Variants in BRD1 observed in about 807,000 individuals in gnomAD.
BRD1 encodes the protein bromodomain containing 1, also known as bromodomain-containing protein 1.
Under a neutral mutation model 107.7 loss-of-function variants are expected in BRD1, and 24 were observed. The ratio of observed to expected loss-of-function variants is 0.22; its 90% confidence interval spans 0.16 to 0.31. The LOEUF (loss-of-function observed/expected upper bound fraction) is 0.31. BRD1 is among the 10% of genes least tolerant of loss of function. The pLI is 1.00. For synonymous variants in BRD1, 744 were observed against 686.1 expected (o/e 1.08, Z -1.32); for missense variants, 1,279 against 1,638.6 (o/e 0.78, Z 3.79).
At chr22:49,786,153 T>C (rs1319550170) in intron 8 of BRD1, among the ~76,000 whole-genome samples, 1 of 149,934 alleles carries the variant, frequency 6.7e-6, no homozygotes, top group African/African-American at 2.5e-5. Context: ...TCTCCTTATC[T>C]AGGTATAACA....
chr22:49,799,100 A>T lies in BRD1; in HGVS notation c.1544T>A (p.Met515Lys), dbSNP rs371726240. The T allele has an allele frequency of 3.1e-6, 5 of 1,608,624 alleles. No homozygotes were observed. The highest frequency in any genetic ancestry group is 4.2e-6 in the Non-Finnish European group (5 of 1,179,860). ...CTTCAGCTTCTCTTTGGCAGCCTTCATCTCCTCATCATTTTCTCTCTGAGA... is the reference window on the plus strand; with the variant it reads ...CTTCAGCTTCTCTTTGGCAGCCTTCTTCTCCTCATCATTTTCTCTCTGAGA... ...SSQQRENDEE[M>K]KAAKEKLKYW... is the part of the protein sequence containing the mutation. Residue 515 changes from methionine to lysine, a missense_variant, in exon 4 of 13, where the codon ATG becomes AAG. Around this residue, in one of 7 missense-constraint regions of BRD1, gnomAD observed 406 missense variants for 519.4 expected, o/e 0.78. Coordinates refer to ENST00000404760, the MANE Select transcript of BRD1 (RefSeq NM_001304808.3).
chr22:49,823,267 G>A lies in BRD1; in HGVS notation c.1051C>T (p.His351Tyr). Residue 351 changes from histidine to tyrosine, a missense_variant, in exon 2 of 13, where the codon CAT (histidine) becomes TAT (tyrosine). Physicochemically the swap from His to Tyr is moderately conservative, Grantham distance 83 (BLOSUM62 2). Around this residue, in one of 7 missense-constraint regions of BRD1, gnomAD observed 158 missense variants for 310.2 expected, o/e 0.51. Transcript: ENST00000404760. Reference protein sequence around the residue: ...CHKANCYTAFHVTCAQKAGLY... With the variant: ...CHKANCYTAFYVTCAQKAGLY... ...CCAGCCTTCTGGGCACACGTCACAT[G>A]GAATGCTGTGTAGCAGTTTGCTTTG... 6.2e-7 allele frequency: 1 copy of A among 1,614,222 alleles called. No individual in the cohort carries two copies. Among genetic ancestry groups the A allele is most frequent in the Non-Finnish European group, 8.5e-7 (1 of 1,180,024 alleles).
chr22:49,790,345 C>T (rs1371454948), intron 7 of BRD1, among the ~76,000 whole-genome samples: 3 of 152,216 alleles, frequency 2.0e-5, no homozygotes, highest in Admixed American at 2.0e-4. Context: ...AGAAGGAAGA[C>T]TCCTCTCAAA....
chr22:49,775,196 C>T (rs990629910), intron 12 of BRD1: 2 of 157,800 alleles, frequency 1.3e-5, no homozygotes, highest in African/African-American at 4.8e-5. Context: ...GGACAGAAGG[C>T]TCTAAGAACA....
chr22:49,795,387 T>C (rs1229828257), intron 6 of BRD1, among the ~76,000 whole-genome samples: 1 of 151,500 alleles, frequency 6.6e-6, no homozygotes, highest in African/African-American at 2.5e-5. Context: ...CACTCCCAAA[T>C]ACTGAGAAAG....
At chr22:49,793,170 G>A (rs1036561641) in intron 7 of BRD1, among the ~76,000 whole-genome samples, 77 of 152,098 alleles carry the variant, frequency 5.1e-4, no homozygotes, top group African/African-American at 9.4e-4. Context: ...AGAGACACAC[G>A]GCAAAACACA....
intron 7 of BRD1, among the ~76,000 whole-genome samples, chr22:49,790,171 C>A (rs1286164320): frequency 6.6e-6 from 1 of 152,160 alleles, no homozygotes; most frequent in African/African-American, 2.4e-5. Context: ...ACCACACAGG[C>A]CCCTCCCCCA....
At chr22:49,797,124 G>A (rs1213298160) in intron 6 of BRD1, among the ~76,000 whole-genome samples, 1 of 152,238 alleles carries the variant, frequency 6.6e-6, no homozygotes, top group African/African-American at 2.4e-5. Context: ...CTAACAAGCA[G>A]GGTGCAGGGG....
chr22:49,811,297 T>C (rs1416304385), intron 2 of BRD1, among the ~76,000 whole-genome samples: 3 of 152,070 alleles, frequency 2.0e-5, no homozygotes, highest in South Asian at 2.1e-4. Context: ...GGGTTTCCTT[T>C]GGAGGTGATA....
chr22:49,825,952 G>A (rs2147451631), intron 1 of BRD1: 1 of 153,228 alleles, frequency 6.5e-6, no homozygotes, highest in East Asian at 1.9e-4. Context: ...CCAAACCTCA[G>A]ACCCCCTGCA....
intron 2 of BRD1, among the ~76,000 whole-genome samples, chr22:49,819,499 G>T (rs1351788188): frequency 6.6e-6 from 1 of 152,106 alleles, no homozygotes; most frequent in African/African-American, 2.4e-5. Context: ...GCTGTAGTGA[G>T]CCATAACCAT....
intron 12 of BRD1, chr22:49,775,205 C>G (rs562919005): frequency 4.4e-5 from 7 of 159,486 alleles, no homozygotes; most frequent in African/African-American, 1.7e-4. Flanking sequence ...GCTCTAAGAA[C>G]AGGGCCAGAG....
At chr22:49,789,036 C>T (rs921899180) in intron 7 of BRD1, among the ~76,000 whole-genome samples, 7 of 152,208 alleles carry the variant, frequency 4.6e-5, no homozygotes, top group South Asian at 2.1e-4. Flanking sequence ...TGGGCCATGA[C>T]GCCGGGCAGC....
chr22:49,775,813 G>GCC, intron 11 of BRD1, 68 bp from the exon 12 acceptor site: 1 of 1,320,770 alleles, frequency 7.6e-7, no homozygotes, highest in Non-Finnish European at 9.9e-7. Context: ...CCTGTCACTG[G>GCC]CACCCCCCCC....
At chr22:49,778,227 G>A (rs906425622) in intron 8 of BRD1, among the ~76,000 whole-genome samples, 3 of 152,228 alleles carry the variant, frequency 2.0e-5, no homozygotes, top group Non-Finnish European at 4.4e-5. Flanking sequence ...AACTTCACCA[G>A]GCCGAAGGGG....
Position 49,798,027 on chromosome 22 carries a change from C to T in BRD1, c.1876G>A (p.Glu626Lys), listed in dbSNP as rs774390633. The T allele has an allele frequency of 3.7e-6, 6 of 1,614,192 alleles. No homozygotes were observed. The highest frequency in any genetic ancestry group is 5.1e-6 in the Non-Finnish European group (6 of 1,179,998). The change falls in exon 6 of 13, where the codon GAG becomes AAG. Residue 626 changes from glutamate (E) to lysine (K), a missense_variant. By Grantham distance (56) the Glu-to-Lys change is moderately conservative. Coordinates refer to ENST00000404760, the MANE Select transcript of BRD1 (RefSeq NM_001304808.3). ...LEAQGYKNLH[E>K]FEEDFDLIID... ...ATGAGATCAAAATCCTCCTCAAACTCATGGAGGTTTTTATACCCTTGAGCT... is the reference window on the plus strand; with the variant it reads ...ATGAGATCAAAATCCTCCTCAAACTTATGGAGGTTTTTATACCCTTGAGCT...
intron 2 of BRD1, among the ~76,000 whole-genome samples, chr22:49,814,236 C>T (rs1228158154): frequency 6.6e-6 from 1 of 152,222 alleles, no homozygotes; most frequent in Non-Finnish European, 1.5e-5. Flanking sequence ...TACACTCACC[C>T]ACGGGCACAA....
intron 2 of BRD1, among the ~76,000 whole-genome samples, chr22:49,813,725 G>C (rs1020189065): frequency 6.6e-6 from 1 of 151,706 alleles, no homozygotes; most frequent in African/African-American, 2.4e-5. Context: ...CCAGTTACTC[G>C]GGAAGCTGAG....
At chr22:49,779,400 G>A (rs115046419) in intron 8 of BRD1, among the ~76,000 whole-genome samples, 1 of 152,304 alleles carries the variant, frequency 6.6e-6, no homozygotes, top group African/African-American at 2.4e-5. Flanking sequence ...AAGCTCAGAA[G>A]GGAATGCACA....
Sources: allele counts gnomAD v4.1 joint callset (sites outside exome capture counted in the v4.1 genomes callset), GRCh38; gene constraint gnomAD v4.1.1; regional missense constraint gnomAD v4.1.1; transcripts MANE v1.5; gene names NCBI Gene and HGNC (gene_info 2026-07-23, HGNC 2026-07-21).